Variants in ARHGAP15 observed in about 807,000 individuals in gnomAD.
The protein encoded by ARHGAP15 is rho GTPase-activating protein 15.
ARHGAP15 carries 51 observed loss-of-function variants against 63.7 expected under a neutral mutation model. The ratio of observed to expected loss-of-function variants is 0.80; its 90% confidence interval spans 0.64 to 1.01. The LOEUF (loss-of-function observed/expected upper bound fraction) is 1.01. Ranked by LOEUF, ARHGAP15 falls within the 50% of genes least tolerant of loss-of-function variation. The pLI is 0.00. For missense variants in ARHGAP15, 560 were observed against 564.6 expected, an observed-to-expected ratio of 0.99 and a Z score of 0.08; for synonymous variants, 191 against 193.8, an observed-to-expected ratio of 0.99 and a Z score of 0.12.
intron 2 of ARHGAP15, among the ~76,000 whole-genome samples, chr2:143,199,187 G>A (rs571580665): frequency 3.0e-4 from 46 of 152,210 alleles, no homozygotes; most frequent in African/African-American, 1.1e-3. Context: ...GGGTTTCTAC[G>A]ATCACTCCCA....
At chr2:143,369,624 C>T (rs1304703535) in intron 6 of ARHGAP15, among the ~76,000 whole-genome samples, 2 of 152,022 alleles carry the variant, frequency 1.3e-5, no homozygotes, top group Non-Finnish European at 2.9e-5. Flanking sequence ...AATATAATTG[C>T]AGGTTGAATT....
chr2:143,215,538 G>A (rs981635895), intron 3 of ARHGAP15, among the ~76,000 whole-genome samples: 6 of 152,124 alleles, frequency 3.9e-5, no homozygotes, highest in Non-Finnish European at 8.8e-5. Context: ...TCTGATACTA[G>A]GCAGCTCAGG....
intron 1 of ARHGAP15, among the ~76,000 whole-genome samples, chr2:143,136,389 A>G (rs1299932443): frequency 6.6e-6 from 1 of 152,034 alleles, no homozygotes; most frequent in Non-Finnish European, 1.5e-5. Context: ...TGAATACAGC[A>G]CAACATGACA....
In ARHGAP15 at chr2:143,200,135, G is replaced by A. The variant is rs181327851; in HGVS notation, c.166-1999G>A. ...TCTCTGTGAGACAACTTCCCTCAAA[G>A]TCAAGACAGTCCCCGGCTCTCCTTT... On this transcript the variant is annotated intron_variant, in intron 2 of 13. Transcript: ENST00000295095. Among the ~76,000 whole-genome samples, 4 of 152,220 alleles carry A rather than the reference G, an allele frequency of 2.6e-5. No homozygotes were observed. The East Asian group carries it at 7.8e-4, about 30-fold the overall frequency.
chr2:143,596,234 A>G (rs191880834), intron 11 of ARHGAP15, among the ~76,000 whole-genome samples: 1 of 152,280 alleles, frequency 6.6e-6, no homozygotes, highest in African/African-American at 2.4e-5. Flanking sequence ...ATATGAAGAG[A>G]ACCATCTAGT....
intron 3 of ARHGAP15, among the ~76,000 whole-genome samples, chr2:143,204,092 A>G (rs1395432615): frequency 6.6e-6 from 1 of 152,130 alleles, no homozygotes. Flanking sequence ...AATGAACACC[A>G]AAGAACCCAG....
chr2:143,308,463 T>C (rs1244061686), intron 6 of ARHGAP15, among the ~76,000 whole-genome samples: 1 of 129,926 alleles, frequency 7.7e-6, no homozygotes, highest in African/African-American at 3.0e-5. Context: ...GTTTGCAGGA[T>C]TGAGTTGATA....
At chr2:143,322,364 A>G (rs1684062790) in intron 6 of ARHGAP15, among the ~76,000 whole-genome samples, 1 of 152,234 alleles carries the variant, frequency 6.6e-6, no homozygotes, top group Non-Finnish European at 1.5e-5. Flanking sequence ...ACTTTTATTC[A>G]TAATTAAAAA....
At chr2:143,723,165 T>C (rs1685136947) in intron 13 of ARHGAP15, among the ~76,000 whole-genome samples, 1 of 152,246 alleles carries the variant, frequency 6.6e-6, no homozygotes, top group Non-Finnish European at 1.5e-5. Flanking sequence ...CCTAGGTATG[T>C]AGTAGGCTAT....
chr2:143,210,351 C>T (rs1376750), intron 3 of ARHGAP15, among the ~76,000 whole-genome samples: 26,346 of 151,184 alleles, frequency 0.17, 2,530 homozygotes, highest in Middle Eastern at 0.25. Context: ...ATGAACACAC[C>T]GGTTGCCAGA....
intron 6 of ARHGAP15, among the ~76,000 whole-genome samples, chr2:143,392,004 ATTAGAG>A (rs1687556757): frequency 6.6e-6 from 1 of 152,194 alleles, no homozygotes; most frequent in Admixed American, 6.5e-5. Flanking sequence ...CTGAGGGGAA[ATTAGAG>A]GTCCACTGGC....
At chr2:143,468,688 T>TG (rs1394796706) in intron 8 of ARHGAP15, among the ~76,000 whole-genome samples, 1 of 112,916 alleles carries the variant, frequency 8.9e-6, no homozygotes. Flanking sequence ...GTGTGTGTGT[T>TG]GTAAAAGTTA....
chr2:143,371,592 T>C (rs577121790), intron 6 of ARHGAP15, among the ~76,000 whole-genome samples: 10 of 152,300 alleles, frequency 6.6e-5, no homozygotes, highest in Non-Finnish European at 1.0e-4. Context: ...TTTGATTTGG[T>C]TTGGTAATAA....
intron 10 of ARHGAP15, among the ~76,000 whole-genome samples, chr2:143,539,776 T>G (rs904294774): frequency 2.6e-5 from 4 of 152,022 alleles, no homozygotes; most frequent in East Asian, 1.9e-4. Flanking sequence ...CTTTCACATT[T>G]GCTGAGGAGT....
chr2:143,601,602 G>A (rs1029757279), intron 11 of ARHGAP15: 2 of 152,042 alleles, frequency 1.3e-5, no homozygotes, highest in Non-Finnish European at 2.9e-5. Context: ...CATACCAATC[G>A]TAAGTATAAT....
At chr2:143,441,154 G>A (rs1689860812) in intron 8 of ARHGAP15, among the ~76,000 whole-genome samples, 1 of 152,068 alleles carries the variant, frequency 6.6e-6, no homozygotes, top group Admixed American at 6.6e-5. Flanking sequence ...CAGGGCTTGA[G>A]CCTGGTGGTG....
chr2:143,557,260 A>G (rs1466169884), intron 11 of ARHGAP15, among the ~76,000 whole-genome samples: 1 of 152,260 alleles, frequency 6.6e-6, no homozygotes, highest in Non-Finnish European at 1.5e-5. Flanking sequence ...CAATAGGTGC[A>G]AGGACAAATA....
intron 8 of ARHGAP15, among the ~76,000 whole-genome samples, chr2:143,476,105 G>A (rs1691803014): frequency 6.6e-6 from 1 of 152,130 alleles, no homozygotes; most frequent in South Asian, 2.1e-4. Context: ...GGAATACTCT[G>A]CTTTTTCCAG....
At chr2:143,313,968 CTTG>C (rs1010347503) in intron 6 of ARHGAP15, among the ~76,000 whole-genome samples, 12 of 129,496 alleles carry the variant, frequency 9.3e-5, no homozygotes, top group African/African-American at 3.3e-4. Context: ...TTTTTTTTTT[CTTG>C]TTTTGTTTTT....
Sources: allele counts gnomAD v4.1 joint callset (sites outside exome capture counted in the v4.1 genomes callset), GRCh38; gene constraint gnomAD v4.1.1; transcripts MANE v1.5; gene names NCBI Gene and HGNC (gene_info 2026-07-23, HGNC 2026-07-21).